The following LBX1 variants were observed in gnomAD, a reference collection of about 807,000 sequenced individuals.
LBX1 encodes the protein transcription factor LBX1.
Under a neutral mutation model 19.9 loss-of-function variants are expected in LBX1, and 6 were observed. The ratio of observed to expected loss-of-function variants is 0.30; its 90% confidence interval spans 0.17 to 0.60. The LOEUF (loss-of-function observed/expected upper bound fraction) is 0.60, where lower values mean the gene tolerates loss of function less well. Ranked by LOEUF, LBX1 falls within the 20% of genes least tolerant of loss-of-function variation. LBX1 has a pLI of 0.87. For synonymous variants in LBX1, 190 were observed against 189.3 expected (o/e 1.00, Z -0.03); for missense variants, 344 against 393.7 (o/e 0.87, Z 1.07).
rs149366935 is a variant in LBX1 at position 101,228,682 on chromosome 10, G to T, written c.134C>A (p.Pro45Gln). 2 of 1,607,614 alleles carry T rather than the reference G, an allele frequency of 1.2e-6. No individual in the cohort carries two copies. Among genetic ancestry groups the T allele is most frequent in the African/African-American group, 1.3e-5 (1 of 74,178 alleles). Residue 45 changes from proline to glutamine, a missense_variant, in exon 1 of 2, where the codon CCG (proline) becomes CAG (glutamine). Pro to Gln is a moderately conservative substitution (Grantham distance 76). This residue lies in a region of LBX1 where 153 missense variants were observed against 168.9 expected (regional missense o/e 0.91). Coordinates refer to ENST00000370193, the MANE Select transcript of LBX1 (RefSeq NM_006562.5). ...PFSIEDILNK[P>Q]SVRRSYSLCG... ...CAGCGAGTAACTTCTCCGCACAGAC[G>T]GCTTGTTGAGGATGTCCTCGATGCT...
rs757749183 is a variant in LBX1, at chr10:101,227,445, C to A, written c.671G>T (p.Gly224Val). The A allele has an allele frequency of 8.2e-6, 13 of 1,594,836 alleles. No homozygotes were observed. Among genetic ancestry groups the A allele is most frequent in the Middle Eastern group, 1.8e-4 (1 of 5,672 alleles). The part of the protein sequence containing the change: ...NSEATAGGGG[G>V]CGRAKSRPGS... ...GGGCCTCGACTTGGCCCTGCCGCAG[C>A]CGCCGCCACCGCCGGCTGTGGCCTC... is the stretch of plus-strand genomic sequence containing the variant. The change falls in exon 2 of 2, where the codon GGC (glycine) becomes GTC (valine). Residue 224 changes from glycine (G) to valine (V), a missense_variant. This residue lies in a region of LBX1 where 146 missense variants were observed against 124.2 expected (regional missense o/e 1.18). Coordinates refer to ENST00000370193, the MANE Select transcript of LBX1 (RefSeq NM_006562.5).
intron 1 of LBX1, among the ~76,000 whole-genome samples, chr10:101,228,200 T>A (rs1354251067): frequency 2.0e-5 from 3 of 152,066 alleles, no homozygotes; most frequent in African/African-American, 7.2e-5. Context: ...GTAGCCGGGC[T>A]AAGAGCGCCC....
At position 101,227,310 on chromosome 10, in the gene LBX1, G is replaced by T. The variant is rs371863719; in HGVS notation, c.806C>A (p.Ser269Ter). ...TDQPASSQDC[S>*]EDEEDEEIDV... The stretch of plus-strand genomic sequence containing the variant: ...GATCTCTTCGTCTTCCTCGTCCTCC[G>T]AGCAGTCCTGGCTGCTGGCCGGCTG... The change falls in exon 2 of 2, where the codon TCG (serine) becomes TAG (stop). Residue 269 changes from serine (S) to a stop codon, truncating the protein, a stop_gained. Transcript: ENST00000370193. LOFTEE classifies it high-confidence loss of function. 1 of 1,608,196 alleles carries T rather than the reference G, an allele frequency of 6.2e-7. No homozygotes were observed.
rs1207950304 is a variant in LBX1 at position 101,229,025 on chromosome 10, GCGC to G, written c.-213_-211del. 1 of 182,856 alleles carries G rather than the reference GCGC, an allele frequency of 5.5e-6. No individual in the cohort carries two copies. The highest frequency in any genetic ancestry group is 1.6e-4 in the East Asian group (1 of 6,214). The allele number at this position is 182,856 out of a possible 1,614,324, so 11.3% of individuals were successfully genotyped here. On this transcript the variant is annotated 5_prime_UTR_variant, in exon 1 of 2. Coordinates refer to ENST00000370193, the MANE Select transcript of LBX1 (RefSeq NM_006562.5). The surrounding 1 kb of genome is among the most constrained non-coding windows in gnomAD (Gnocchi z 6.4). ...CCCCGGGAAGAGGGCGCTGACGCGGGCGCCGCTGCTGCTGGGGCTTCCAGCAAT... is the reference window on the plus strand; with the variant it reads ...CCCCGGGAAGAGGGCGCTGACGCGGGCGCTGCTGCTGGGGCTTCCAGCAAT...
Position 101,228,571 on chromosome 10 carries a change from G to A in LBX1, c.245C>T (p.Thr82Ile). 1 of 1,555,398 alleles carries A rather than the reference G, an allele frequency of 6.4e-7. No homozygotes were observed. The highest frequency in any genetic ancestry group is 1.2e-5 in the South Asian group (1 of 84,648). ...PLAGRALLSQ[T>I]SPLCALEELA... ...CTCCTCCAGCGCGCACAGCGGCGAG[G>A]TCTGCGAGAGCAGCGCGCGGCCCGC... is the stretch of plus-strand genomic sequence containing the variant. Residue 82 changes from threonine to isoleucine, a missense_variant, in exon 1 of 2, where the codon ACC becomes ATC. Physicochemically the swap from Thr to Ile is moderately conservative, Grantham distance 89 (BLOSUM62 -1). Transcript: ENST00000370193.
chr10:101,227,909 T>G, intron 1 of LBX1, 119 bp from the exon 2 acceptor site: 2 of 934,918 alleles, frequency 2.1e-6, no homozygotes, highest in Non-Finnish European at 1.5e-6. Context: ...CAATGTTCCC[T>G]TCTCAGATTT....
chr10:101,227,216 C>T lies in LBX1; in HGVS notation c.*54G>A, dbSNP rs937965677. ...CCCCTCGGCGGTCCGGTCCGGGAGG[C>T]GTTGGGCTTTCGAGCGCTAGGAGCC... On this transcript the variant is annotated 3_prime_UTR_variant, in exon 2 of 2. Transcript: ENST00000370193. 4 of 1,548,428 alleles carry T rather than the reference C, an allele frequency of 2.6e-6. No individual in the cohort carries two copies. The highest frequency in any genetic ancestry group is 2.3e-5 in the South Asian group (2 of 85,670).
intron 1 of LBX1, 124 bp downstream of exon 1, chr10:101,228,367 C>A: frequency 1.5e-6 from 1 of 670,186 alleles, no homozygotes; most frequent in South Asian, 2.0e-5. Context: ...CCATAAGCAG[C>A]TGCTCAGGCT....
chr10:101,228,282 G>T (rs1354677811), intron 1 of LBX1, among the ~76,000 whole-genome samples: 2 of 152,278 alleles, frequency 1.3e-5, no homozygotes, highest in East Asian at 1.9e-4. Context: ...CCCTTCTCCT[G>T]CCACCCCCCA....
chr10:101,227,606 G>T lies in LBX1; in HGVS notation c.510C>A (p.Ile170=). 1 of 1,614,250 alleles carries T rather than the reference G, an allele frequency of 6.2e-7. No homozygotes were observed. The highest frequency in any genetic ancestry group is 8.5e-7 in the Non-Finnish European group (1 of 1,180,042). Residue 170 remains isoleucine (I), a synonymous_variant, in exon 2 of 2, where the codon ATC becomes ATA. Transcript: ENST00000370193. ...QQLGLTNAQV[I]TWFQNRRAKL... ...TAGCGCGCCGATTCTGGAACCAGGT[G>T]ATGACTTGCGCGTTGGTGAGGCCCA...
chr10:101,228,584 G>C lies in LBX1; in HGVS notation c.232C>G (p.Leu78Val). 6.4e-7 allele frequency: 1 copy of C among 1,555,516 alleles called. No individual in the cohort carries two copies. Among genetic ancestry groups the C allele is most frequent in the South Asian group, 1.2e-5 (1 of 84,642 alleles). ...QGGLPLAGRA[L>V]LSQTSPLCAL... ...CACAGCGGCGAGGTCTGCGAGAGCA[G>C]CGCGCGGCCCGCCAGGGGCAAGCCG... Residue 78 changes from leucine to valine, a missense_variant, in exon 1 of 2, where the codon CTG becomes GTG. Transcript: ENST00000370193.
rs775436724 is a variant in LBX1 at position 101,228,649 on chromosome 10, G to T, written c.167C>A (p.Ala56Glu). The T allele has an allele frequency of 6.3e-7, 1 of 1,594,298 alleles. No homozygotes were observed. Among genetic ancestry groups the T allele is most frequent in the African/African-American group, 1.4e-5 (1 of 73,692 alleles). ...GTCCGCGGCGGCCAGCAGGTGCGCC[G>T]CCCCGCACAGCGAGTAACTTCTCCG... ...SVRRSYSLCG[A>E]AHLLAAADKH... Residue 56 changes from alanine (A) to glutamate (E), a missense_variant, in exon 1 of 2, where the codon GCG becomes GAG. Physicochemically the swap from Ala to Glu is moderately radical, Grantham distance 107. Around this residue, in one of 3 missense-constraint regions of LBX1, gnomAD observed 153 missense variants for 168.9 expected, o/e 0.91. Transcript: ENST00000370193.
At position 101,227,138 on chromosome 10, in the gene LBX1, TC is replaced by T. The variant is rs1255738596; in HGVS notation, c.*131del. 3.4e-6 allele frequency: 3 copies of T among 891,324 alleles called. No individual in the cohort carries two copies. The highest frequency in any genetic ancestry group is 5.0e-6 in the Non-Finnish European group (3 of 603,390). 55.2% of individuals were successfully genotyped at this position (891,324 alleles called of 1,614,324 possible). A position where few individuals can be genotyped will look rare whatever the true frequency, so the allele number is the denominator to read the frequency against. ...GAAGAGGCGGCTGCCAGGAGCCGAG[TC>T]CGGGGCCGGGGACAGGGGAGGAGGC... On this transcript the variant is annotated 3_prime_UTR_variant, in exon 2 of 2. Transcript: ENST00000370193.
In LBX1 at chr10:101,228,478, C is replaced by T. The variant is rs568959741; in HGVS notation, c.325+13G>A. 33 of 1,541,714 alleles carry T rather than the reference C, an allele frequency of 2.1e-5. No individual in the cohort carries two copies. The South Asian group carries it at 3.5e-4, about 16-fold the overall frequency. On this transcript the variant is annotated intron_variant, in intron 1 of 1. Transcript: ENST00000370193. The stretch of plus-strand genomic sequence containing the variant: ...AGGCGCTGGGTGCAGGGGAACCCAG[C>T]AGCTGCGCCTACCTTCGGCTGCCTG...
Position 101,228,935 on chromosome 10 carries a change from G to T in LBX1, c.-120C>A. 4.0e-6 allele frequency: 2 copies of T among 498,418 alleles called. No homozygotes were observed. Among genetic ancestry groups the T allele is most frequent in the Non-Finnish European group, 5.7e-6 (2 of 350,110 alleles). The allele number at this position is 498,418 out of a possible 1,614,324, so 30.9% of individuals were successfully genotyped here. On this transcript the variant is annotated 5_prime_UTR_variant, in exon 1 of 2. Coordinates refer to ENST00000370193, the MANE Select transcript of LBX1 (RefSeq NM_006562.5). ...GCGGGTGGAAAGGAGGCCGCACTGGGCAGGGCGCGGGCCGGGCGCGGGGCC... is the reference window on the plus strand; with the variant it reads ...GCGGGTGGAAAGGAGGCCGCACTGGTCAGGGCGCGGGCCGGGCGCGGGGCC...
rs751007989 is a variant in LBX1 at position 101,228,602 on chromosome 10, G to A, written c.214C>T (p.Pro72Ser). The A allele has an allele frequency of 4.5e-5, 71 of 1,560,884 alleles. No homozygotes were observed. Among genetic ancestry groups the A allele is most frequent in the Admixed American group, 2.3e-4 (12 of 51,560 alleles). Residue 72 changes from proline (P) to serine (S), a missense_variant, in exon 1 of 2, where the codon CCC becomes TCC. By Grantham distance (74) the Pro-to-Ser change is moderately conservative. Around this residue, in one of 3 missense-constraint regions of LBX1, gnomAD observed 153 missense variants for 168.9 expected, o/e 0.91. Transcript: ENST00000370193. ...GAGAGCAGCGCGCGGCCCGCCAGGG[G>A]CAAGCCGCCCTGCGCGTGCTTGTCC... ...AADKHAQGGL[P>S]LAGRALLSQT...
In LBX1 at chr10:101,228,610, C is replaced by G. The variant is rs1941074577; in HGVS notation, c.206G>C (p.Gly69Ala). 1 of 1,566,232 alleles carries G rather than the reference C, an allele frequency of 6.4e-7. No individual in the cohort carries two copies. The highest frequency in any genetic ancestry group is 8.7e-7 in the Non-Finnish European group (1 of 1,155,836). Residue 69 changes from glycine (G) to alanine (A), a missense_variant, in exon 1 of 2, where the codon GGC (glycine) becomes GCC (alanine). Transcript: ENST00000370193. ...LLAAADKHAQ[G>A]GLPLAGRALL... ...CGCGCGGCCCGCCAGGGGCAAGCCGCCCTGCGCGTGCTTGTCCGCGGCGGC... is the reference window on the plus strand; with the variant it reads ...CGCGCGGCCCGCCAGGGGCAAGCCGGCCTGCGCGTGCTTGTCCGCGGCGGC...
At position 101,228,893 on chromosome 10, in the gene LBX1, G is replaced by A. The variant is rs1941079922; in HGVS notation, c.-78C>T. ...CCCGCGGGCAGCTCGGGCGCCGGAC[G>A]GCGCGGGCAGGCAGCGGCGGGTGGA... On this transcript the variant is annotated 5_prime_UTR_variant, in exon 1 of 2. Transcript: ENST00000370193. The A allele has an allele frequency of 9.7e-7, 1 of 1,030,692 alleles. No individual in the cohort carries two copies. Among genetic ancestry groups the A allele is most frequent in the Non-Finnish European group, 1.3e-6 (1 of 796,994 alleles). The allele number at this position is 1,030,692 out of a possible 1,614,324, so 63.8% of individuals were successfully genotyped here. A position where few individuals can be genotyped will look rare whatever the true frequency, so the allele number is the denominator to read the frequency against.
rs1941086889 is a variant in LBX1, at chr10:101,229,361, G to T, written c.-546C>A. 3 of 166,904 alleles carry T rather than the reference G, an allele frequency of 1.8e-5. No homozygotes were observed. The highest frequency in any genetic ancestry group is 2.7e-3 in the Middle Eastern group (1 of 370). 10.3% of individuals were successfully genotyped at this position (166,904 alleles called of 1,614,324 possible). On this transcript the variant is annotated 5_prime_UTR_variant, in exon 1 of 2. Coordinates refer to ENST00000370193, the MANE Select transcript of LBX1 (RefSeq NM_006562.5). The surrounding 1 kb of genome is among the most constrained non-coding windows in gnomAD (Gnocchi z 6.4). ...GCCTCTGTTCTCTCCTCCTGTTCTC[G>T]CTCTCCCTCCCTCCCTCTCTCTTCT...
Sources: allele counts gnomAD v4.1 joint callset (sites outside exome capture counted in the v4.1 genomes callset), GRCh38; gene constraint gnomAD v4.1.1; regional missense constraint gnomAD v4.1.1; non-coding constraint Gnocchi (gnomAD v3.1); transcripts MANE v1.5; gene names NCBI Gene and HGNC (gene_info 2026-07-23, HGNC 2026-07-21).